Variants in SNX14 observed in about 807,000 individuals in gnomAD.
SNX14 encodes the protein sorting nexin-14.
SNX14 carries 93 observed loss-of-function variants against 133.8 expected under a neutral mutation model. The observed-to-expected ratio is 0.70, with a 90% CI of 0.59 to 0.83. The LOEUF (loss-of-function observed/expected upper bound fraction) is 0.83, where lower values mean the gene tolerates loss of function less well. Among genes scored for constraint, SNX14 ranks in the 40% least tolerant of loss-of-function variants. The pLI is 0.00. For missense variants in SNX14, 945 were observed against 1,094.9 expected (o/e 0.86, Z 1.93); for synonymous variants, 368 against 365.6 (o/e 1.01, Z -0.07).
At position 85,543,209 on chromosome 6, in the gene SNX14, A is replaced by T; in HGVS notation, c.1362T>A (p.Phe454Leu). 1 of 1,588,676 alleles carries T rather than the reference A, an allele frequency of 6.3e-7. No homozygotes were observed. The highest frequency in any genetic ancestry group is 8.5e-7 in the Non-Finnish European group (1 of 1,170,908). Residue 454 changes from phenylalanine (F) to leucine (L), a missense_variant, in exon 14 of 29, where the codon TTT becomes TTA. Phe to Leu is a conservative substitution (Grantham distance 22). Around this residue, in one of 3 missense-constraint regions of SNX14, gnomAD observed 514 missense variants for 538.8 expected, o/e 0.95. Transcript: ENST00000314673. ...CATCACTATGGCAGAACATAGGAGT[A>T]AATACATTCTCCAAAAGGGAAAGAA... The part of the protein sequence containing the change: ...EHVLSLLENV[F>L]TPMFCHSDEY...
At chr6:85,509,459 A>G (rs547155491) in intron 26 of SNX14, among the ~76,000 whole-genome samples, 2 of 151,716 alleles carry the variant, frequency 1.3e-5, no homozygotes, top group African/African-American at 4.8e-5. Flanking sequence ...GAACTATTCT[A>G]AGGCTAGTTC....
At chr6:85,563,396 T>G (rs1792466552) in intron 6 of SNX14, among the ~76,000 whole-genome samples, 1 of 152,160 alleles carries the variant, frequency 6.6e-6, no homozygotes, top group Non-Finnish European at 1.5e-5. Context: ...AAATATTTGT[T>G]TTTTTGCTTT....
intron 1 of SNX14, among the ~76,000 whole-genome samples, chr6:85,593,281 C>T (rs1015603763): frequency 6.6e-6 from 1 of 152,168 alleles, no homozygotes; most frequent in Admixed American, 6.5e-5. Context: ...AGCCGACACA[C>T]GGATTTCACT....
At position 85,593,692 on chromosome 6, in the gene SNX14, C is replaced by T; in HGVS notation, c.27G>A (p.Gly9=). 1 of 1,613,632 alleles carries T rather than the reference C, an allele frequency of 6.2e-7. No homozygotes were observed. The highest frequency in any genetic ancestry group is 8.5e-7 in the Non-Finnish European group (1 of 1,179,930). MVPWVRTM[G]QKLKQRLRLD... The stretch of plus-strand genomic sequence containing the variant: ...GTCGCAGCCGCTGCTTCAGCTTCTG[C>T]CCCATCGTCCGCACCCAGGGCACCA... The change falls in exon 1 of 29, where the codon GGG becomes GGA. Residue 9 remains glycine, a synonymous_variant. Coordinates refer to ENST00000314673, the MANE Select transcript of SNX14 (RefSeq NM_153816.6).
intron 1 of SNX14, 50 bp downstream of exon 1, chr6:85,593,529 C>CT (rs1414570262): frequency 6.4e-7 from 1 of 1,570,420 alleles, no homozygotes; most frequent in Non-Finnish European, 8.6e-7. Flanking sequence ...GGCCGGGCGT[C>CT]TGCACCTTCG....
At chr6:85,586,697 A>G (rs1800966238) in intron 1 of SNX14, among the ~76,000 whole-genome samples, 1 of 150,888 alleles carries the variant, frequency 6.6e-6, no homozygotes, top group African/African-American at 2.4e-5. Flanking sequence ...CTCCCACCTC[A>G]GCCTCCCGAG....
In SNX14 at chr6:85,593,795, C is replaced by A. The variant is rs1583205109; in HGVS notation, c.-77G>T. The A allele has an allele frequency of 1.3e-6, 2 of 1,586,556 alleles. No homozygotes were observed. The highest frequency in any genetic ancestry group is 1.4e-5 in the African/African-American group (1 of 73,738). On this transcript the variant is annotated 5_prime_UTR_variant, in exon 1 of 29. Transcript: ENST00000314673. The stretch of plus-strand genomic sequence containing the variant: ...GCGACCCCCCATCCACACCTCGCGT[C>A]CCCGCCCCACCGACTTGGCGGCGCA...
intron 18 of SNX14, among the ~76,000 whole-genome samples, chr6:85,532,447 A>C (rs1780589114): frequency 6.6e-6 from 1 of 152,252 alleles, no homozygotes; most frequent in Non-Finnish European, 1.5e-5. Context: ...TTCTTGAAAC[A>C]GGATCAACTT....
intron 1 of SNX14, among the ~76,000 whole-genome samples, chr6:85,592,829 A>T (rs1428372553): frequency 2.7e-5 from 4 of 150,604 alleles, no homozygotes; most frequent in Non-Finnish European, 4.4e-5. Flanking sequence ...CTCTACTAAA[A>T]AAAAAAAAAA....
chr6:85,538,196 C>G (rs1415076319), intron 16 of SNX14, among the ~76,000 whole-genome samples: 2 of 151,948 alleles, frequency 1.3e-5, no homozygotes, highest in Non-Finnish European at 2.9e-5. Flanking sequence ...TGGAAAAACA[C>G]TAATAATAAG....
chr6:85,509,131 CAGAGG>C (rs1771841782), intron 26 of SNX14, among the ~76,000 whole-genome samples: 1 of 152,100 alleles, frequency 6.6e-6, no homozygotes, highest in South Asian at 2.1e-4. Context: ...AGATGAGGAG[CAGAGG>C]ATAACACAAA....
chr6:85,510,423 T>C (rs1312995052), intron 26 of SNX14, among the ~76,000 whole-genome samples: 1 of 152,224 alleles, frequency 6.6e-6, no homozygotes, highest in Non-Finnish European at 1.5e-5. Flanking sequence ...TAATCTTCTT[T>C]GGTAAGGTGT....
At chr6:85,586,564 T>C (rs866359511) in intron 1 of SNX14, among the ~76,000 whole-genome samples, 5 of 152,102 alleles carry the variant, frequency 3.3e-5, no homozygotes, top group South Asian at 4.1e-4. Flanking sequence ...TAGTTTTGTA[T>C]GGAAGTGATT....
chr6:85,533,458 T>C, intron 18 of SNX14, 141 bp downstream of exon 18: 1 of 747,778 alleles, frequency 1.3e-6, no homozygotes, highest in Non-Finnish European at 2.1e-6. Context: ...AAGCTTTCTT[T>C]CAATTTTCTG....
chr6:85,549,921 A>G, intron 7 of SNX14, 42 bp from the exon 8 acceptor site: 1 of 1,540,044 alleles, frequency 6.5e-7, no homozygotes, highest in Non-Finnish European at 8.8e-7. Flanking sequence ...GTTAAGTGAC[A>G]TTAAATAATT....
intron 26 of SNX14, among the ~76,000 whole-genome samples, chr6:85,511,243 C>T (rs1719498092): frequency 6.6e-6 from 1 of 152,030 alleles, no homozygotes; most frequent in Non-Finnish European, 1.5e-5. Flanking sequence ...CGAAAAGTAA[C>T]TGAATTTTGT....
At chr6:85,509,925 T>G (rs953592442) in intron 26 of SNX14, among the ~76,000 whole-genome samples, 2 of 152,188 alleles carry the variant, frequency 1.3e-5, no homozygotes, top group African/African-American at 4.8e-5. Context: ...GGCTTCTTTC[T>G]CTTAGTAAGA....
chr6:85,540,317 G>C (rs980982346), intron 15 of SNX14, among the ~76,000 whole-genome samples: 7 of 152,132 alleles, frequency 4.6e-5, no homozygotes, highest in Non-Finnish European at 2.9e-5. Flanking sequence ...AATGGTCCTA[G>C]AAAAGGGCAT....
At chr6:85,533,451 C>G in intron 18 of SNX14, 148 bp downstream of exon 18, 1 of 710,880 alleles carries the variant, frequency 1.4e-6, no homozygotes, top group Non-Finnish European at 2.3e-6. Context: ...ACATCCTAAG[C>G]TTTCTTTCAA....
Sources: gnomAD v4.1 joint callset for allele counts (sites outside exome capture counted in the v4.1 genomes callset) on GRCh38, gnomAD v4.1.1 for gene constraint, gnomAD v4.1.1 regional missense constraint, MANE v1.5 for transcripts, NCBI Gene and HGNC (gene_info 2026-07-23, HGNC 2026-07-21) for gene names.